Variants in ATRNL1 observed in about 807,000 individuals in gnomAD.
ATRNL1 encodes attractin-like protein 1.
Under a neutral mutation model 182.7 loss-of-function variants are expected in ATRNL1, and 95 were observed. The ratio of observed to expected loss-of-function variants is 0.52; its 90% CI spans 0.44 to 0.62. The LOEUF (loss-of-function observed/expected upper bound fraction) is 0.62, where lower values mean the gene tolerates loss of function less well. Among genes scored for constraint, ATRNL1 ranks in the 20% least tolerant of loss-of-function variants. The probability of loss-of-function intolerance (pLI) is 0.00; values close to 1 mark genes in which losing one functional copy is unlikely to be tolerated. For missense variants in ATRNL1, 1,471 were observed against 1,679.5 expected (o/e 0.88, Z 2.17); for synonymous variants, 576 against 568.3 (o/e 1.01, Z -0.19).
intron 13 of ATRNL1, among the ~76,000 whole-genome samples, chr10:115,271,912 A>G (rs1167911764): frequency 6.6e-6 from 1 of 152,166 alleles, no homozygotes; most frequent in Non-Finnish European, 1.5e-5. Flanking sequence ...GAGGTGTTTG[A>G]ATCACAGGAG....
intron 24 of ATRNL1, among the ~76,000 whole-genome samples, chr10:115,500,821 G>A (rs781998953): frequency 2.7e-5 from 4 of 150,842 alleles, no homozygotes; most frequent in South Asian, 2.1e-4. Flanking sequence ...GATTACAGGT[G>A]TGAACCACCA....
At chr10:115,266,699 A>G in intron 11 of ATRNL1, 98 bp from the exon 12 acceptor site, 1 of 676,234 alleles carries the variant, frequency 1.5e-6, no homozygotes, top group Non-Finnish European at 2.5e-6. Context: ...AAAATAGTAT[A>G]AAATGTATAT....
rs535108671 is a variant in ATRNL1 at position 115,898,960 on chromosome 10, C to CT, written c.4019-45688dup. Among the ~76,000 whole-genome samples, 1,378 of 147,148 alleles carry CT rather than the reference C, an allele frequency of 9.4e-3. 11 individuals carry two copies. Among genetic ancestry groups the CT allele is most frequent in the African/African-American group, 0.015 (600 of 40,166 alleles). ...TTACTTTTTTCTTCTCCTTTTTTTT[C>CT]TTTTTTTTTTATTATACTTTAAGTT... is the stretch of plus-strand genomic sequence containing the variant. On this transcript the variant is annotated intron_variant, in intron 28 of 28. Coordinates refer to ENST00000355044, the MANE Select transcript of ATRNL1 (RefSeq NM_207303.4).
At chr10:115,852,804 A>G (rs916489253) in intron 28 of ATRNL1, among the ~76,000 whole-genome samples, 6 of 152,210 alleles carry the variant, frequency 3.9e-5, no homozygotes, top group Admixed American at 3.3e-4. Flanking sequence ...GGACAATTTT[A>G]TCTTTGCCGG....
At chr10:115,733,527 G>A (rs1475596867) in intron 27 of ATRNL1, among the ~76,000 whole-genome samples, 1 of 152,122 alleles carries the variant, frequency 6.6e-6, no homozygotes, top group Admixed American at 6.6e-5. Flanking sequence ...CTCCCAAGGT[G>A]AAAAACGCAT....
chr10:115,286,420 T>A, intron 15 of ATRNL1, 23 bp downstream of exon 15: 1 of 1,393,248 alleles, frequency 7.2e-7, no homozygotes. Flanking sequence ...CTTGTTTACA[T>A]TATGGAAATA....
intron 10 of ATRNL1, among the ~76,000 whole-genome samples, chr10:115,263,939 GA>G (rs1267384901): frequency 3.3e-5 from 5 of 151,716 alleles, no homozygotes; most frequent in Admixed American, 3.3e-4. Flanking sequence ...TCTCTTTTGA[GA>G]ATATTTAATA....
chr10:115,728,111 T>TAAAAA (rs782146867), intron 27 of ATRNL1, among the ~76,000 whole-genome samples: 1 of 44,366 alleles, frequency 2.3e-5, no homozygotes, highest in Non-Finnish European at 4.5e-5. Flanking sequence ...CCGTCTCTAC[T>TAAAAA]AAAAAAAAAA....
rs180751659 is a variant in ATRNL1 at position 115,712,992 on chromosome 10, C to G, written c.3796-14256C>G. ...AACTTTAGTTTCCATTTATCCCAAC[C>G]CTAAATTGAGAGTGACTGTGTTTGG... On this transcript the variant is annotated intron_variant, in intron 26 of 28. Coordinates refer to ENST00000355044, the MANE Select transcript of ATRNL1 (RefSeq NM_207303.4). 2.4e-3 allele frequency among the ~76,000 whole-genome samples: 364 copies of G among 152,280 alleles called. 1 individual carries two copies. The highest frequency in any genetic ancestry group is 4.2e-3 in the Non-Finnish European group (285 of 68,036).
chr10:115,309,119 C>A (rs1853888305), intron 17 of ATRNL1, among the ~76,000 whole-genome samples: 1 of 151,882 alleles, frequency 6.6e-6, no homozygotes, highest in Non-Finnish European at 1.5e-5. Context: ...TTCTGTGTAT[C>A]CCCATTTTTC....
chr10:115,601,537 T>C (rs1424375668), intron 26 of ATRNL1, among the ~76,000 whole-genome samples: 1 of 152,196 alleles, frequency 6.6e-6, no homozygotes, highest in Non-Finnish European at 1.5e-5. Flanking sequence ...TTTTGCTTCA[T>C]GTACTTTGAA....
chr10:115,607,192 C>A, intron 26 of ATRNL1, among the ~76,000 whole-genome samples: 1 of 151,968 alleles, frequency 6.6e-6, no homozygotes, highest in East Asian at 1.9e-4. Flanking sequence ...TTAAAGAAGA[C>A]TGTGTCATAT....
intron 26 of ATRNL1, among the ~76,000 whole-genome samples, chr10:115,635,365 C>T (rs1490364157): frequency 6.7e-6 from 1 of 150,128 alleles, no homozygotes; most frequent in Non-Finnish European, 1.5e-5. Flanking sequence ...GGTATCCAGA[C>T]ACCCAATAGG....
chr10:115,459,331 G>A (rs1484733874), intron 21 of ATRNL1, among the ~76,000 whole-genome samples: 1 of 152,120 alleles, frequency 6.6e-6, no homozygotes, highest in Non-Finnish European at 1.5e-5. Flanking sequence ...GCAGAACAGA[G>A]CCATATTTCT....
chr10:115,256,394 A>G (rs977472178), intron 10 of ATRNL1, among the ~76,000 whole-genome samples: 4 of 151,756 alleles, frequency 2.6e-5, no homozygotes, highest in African/African-American at 7.3e-5. Flanking sequence ...GAATTTATCC[A>G]TTTCTTTTAG....
intron 8 of ATRNL1, among the ~76,000 whole-genome samples, chr10:115,202,601 A>G (rs1848628856): frequency 6.7e-6 from 1 of 150,374 alleles, no homozygotes. Flanking sequence ...CATGGTGGAT[A>G]AGCTTTTTGA....
chr10:115,095,748 A>G (rs2084995746), intron 1 of ATRNL1, among the ~76,000 whole-genome samples: 1 of 152,184 alleles, frequency 6.6e-6, no homozygotes, highest in South Asian at 2.1e-4. Flanking sequence ...AGTAGAATTC[A>G]GCGTCTTTAC....
intron 24 of ATRNL1, among the ~76,000 whole-genome samples, chr10:115,485,966 A>G (rs1849002697): frequency 6.9e-6 from 1 of 145,070 alleles, no homozygotes; most frequent in Non-Finnish European, 1.5e-5. Flanking sequence ...TCACTGTTCA[A>G]CTCCCACTTA....
intron 24 of ATRNL1, among the ~76,000 whole-genome samples, chr10:115,496,510 T>C (rs1047401596): frequency 5.1e-4 from 78 of 152,294 alleles, no homozygotes; most frequent in African/African-American, 1.8e-3. Context: ...TTTTTGTTTT[T>C]AGCTCTGTTT....
Sources: gnomAD v4.1 joint callset for allele counts (sites outside exome capture counted in the v4.1 genomes callset) on GRCh38, gnomAD v4.1.1 for gene constraint, MANE v1.5 for transcripts, NCBI Gene and HGNC (gene_info 2026-07-23, HGNC 2026-07-21) for gene names.